ASAP2: variants seen among roughly 807,000 people sequenced by gnomAD.
ASAP2 encodes arf-GAP with SH3 domain, ANK repeat and PH domain-containing protein 2.
In ASAP2, 45 loss-of-function variants were observed where a neutral mutation model predicts 131.4. The observed-to-expected ratio is 0.34, with a 90% CI of 0.27 to 0.44. ASAP2 has a LOEUF of 0.44. ASAP2 is among the 20% of genes least tolerant of loss of function. The probability of loss-of-function intolerance (pLI) is 1.00; values close to 1 mark genes in which losing one functional copy is unlikely to be tolerated. For missense variants in ASAP2, 1,011 were observed against 1,297.0 expected, an observed-to-expected ratio of 0.78 and a Z score of 3.39; for synonymous variants, 510 against 503.0, an observed-to-expected ratio of 1.01 and a Z score of -0.19.
At chr2:9,395,430 A>G (rs10169849) in intron 24 of ASAP2, among the ~76,000 whole-genome samples, 1 of 151,940 alleles carries the variant, frequency 6.6e-6, no homozygotes, top group Admixed American at 6.6e-5. Flanking sequence ...AGCTGAGATC[A>G]CGTCATTGTA....
intron 20 of ASAP2, among the ~76,000 whole-genome samples, chr2:9,381,760 G>T (rs2148745915): frequency 6.6e-6 from 1 of 152,236 alleles, no homozygotes; most frequent in African/African-American, 2.4e-5. Context: ...CGAATTAGCT[G>T]GGTGTGGTGG....
intron 3 of ASAP2, among the ~76,000 whole-genome samples, 160 bp downstream of exon 3, chr2:9,297,605 A>T (rs926796371): frequency 5.3e-5 from 8 of 152,250 alleles, no homozygotes; most frequent in Non-Finnish European, 8.8e-5. Context: ...AGTTTGGAAT[A>T]AAGTTTAAAA....
intron 1 of ASAP2, among the ~76,000 whole-genome samples, chr2:9,235,136 T>G (rs1011201352): frequency 6.6e-6 from 1 of 152,136 alleles, no homozygotes; most frequent in African/African-American, 2.4e-5. Flanking sequence ...TCCTGTCCTG[T>G]TGTAGGCGGG....
chr2:9,325,391 C>A (rs1670415275), intron 6 of ASAP2, among the ~76,000 whole-genome samples: 1 of 152,130 alleles, frequency 6.6e-6, no homozygotes, highest in Non-Finnish European at 1.5e-5. Context: ...GGTATTGTTT[C>A]TAATTAAGTA....
At chr2:9,367,396 GA>G (rs1233308955) in intron 15 of ASAP2, among the ~76,000 whole-genome samples, 23 of 152,188 alleles carry the variant, frequency 1.5e-4, no homozygotes, top group African/African-American at 5.3e-4. Flanking sequence ...GCAGAACATG[GA>G]AATGAAAATA....
chr2:9,216,011 A>C (rs1661996485), intron 1 of ASAP2, among the ~76,000 whole-genome samples: 1 of 152,120 alleles, frequency 6.6e-6, no homozygotes, highest in African/African-American at 2.4e-5. Flanking sequence ...GAGTCCTGTA[A>C]TTAGGATTCT....
intron 3 of ASAP2, among the ~76,000 whole-genome samples, chr2:9,305,044 T>C (rs1367469219): frequency 2.2e-5 from 3 of 136,288 alleles, no homozygotes; most frequent in African/African-American, 8.5e-5. Context: ...TAGTGAGGTA[T>C]AGATATTGGT....
At chr2:9,355,987 T>G (rs1305209495) in intron 12 of ASAP2, 60 bp from the exon 13 acceptor site, 3 of 1,580,006 alleles carry the variant, frequency 1.9e-6, no homozygotes, top group Non-Finnish European at 2.6e-6. Flanking sequence ...ACTATTTTCT[T>G]TTGGAATTGT....
At chr2:9,382,353 A>G (rs542721414) in intron 20 of ASAP2, among the ~76,000 whole-genome samples, 81 of 152,318 alleles carry the variant, frequency 5.3e-4, no homozygotes, top group African/African-American at 1.8e-3. Context: ...ACAGATGAGG[A>G]CACAGGCACA....
intron 2 of ASAP2, among the ~76,000 whole-genome samples, chr2:9,288,768 C>G (rs1431600367): frequency 1.3e-5 from 2 of 152,054 alleles, no homozygotes; most frequent in Non-Finnish European, 2.9e-5. Flanking sequence ...AAAGGAGAGC[C>G]CTGCAAGTTT....
intron 1 of ASAP2, among the ~76,000 whole-genome samples, chr2:9,263,187 G>A (rs1665700345): frequency 6.6e-6 from 1 of 152,210 alleles, no homozygotes; most frequent in Non-Finnish European, 1.5e-5. Flanking sequence ...ACCTTCTGGT[G>A]TCATGTCCCC....
intron 2 of ASAP2, among the ~76,000 whole-genome samples, chr2:9,290,885 A>G (rs1266640920): frequency 2.0e-5 from 3 of 152,220 alleles, no homozygotes; most frequent in Non-Finnish European, 4.4e-5. Context: ...CCTGGGACCT[A>G]GTATATAACA....
intron 6 of ASAP2, among the ~76,000 whole-genome samples, chr2:9,324,550 A>G (rs560622921): frequency 1.1e-4 from 17 of 152,182 alleles, no homozygotes; most frequent in Non-Finnish European, 1.9e-4. Context: ...AGGACATCAC[A>G]TGGTGGGGGC....
Position 9,324,078 on chromosome 2 carries a change from A to C in ASAP2, c.600+828A>C, listed in dbSNP as rs192892308. 2.6e-5 allele frequency among the ~76,000 whole-genome samples: 4 copies of C among 152,342 alleles called. No individual in the cohort carries two copies. In the East Asian group the frequency reaches 7.7e-4, roughly 29 times the overall value. Reference sequence around the variant, plus strand: ...GTGCAAACTTAGGTTTCAAATGTACACAATGTGTGGGTGATGTTTGTGACA... The same window carrying C: ...GTGCAAACTTAGGTTTCAAATGTACCCAATGTGTGGGTGATGTTTGTGACA... On this transcript the variant is annotated intron_variant, in intron 6 of 27. Coordinates refer to ENST00000281419, the MANE Select transcript of ASAP2 (RefSeq NM_003887.3).
At chr2:9,313,436 C>T (rs1558320848) in intron 3 of ASAP2, among the ~76,000 whole-genome samples, 1 of 152,172 alleles carries the variant, frequency 6.6e-6, no homozygotes, top group Non-Finnish European at 1.5e-5. Context: ...CATGTGTGTA[C>T]TCCCGCTTCA....
chr2:9,308,406 T>G (rs1321457328), intron 3 of ASAP2, among the ~76,000 whole-genome samples: 2 of 152,130 alleles, frequency 1.3e-5, no homozygotes, highest in South Asian at 2.1e-4. Context: ...CGTGATTGAG[T>G]CATCTCCCAC....
chr2:9,381,008 C>T (rs140156598), intron 20 of ASAP2, among the ~76,000 whole-genome samples, 200 bp downstream of exon 20: 154 of 152,350 alleles, frequency 1.0e-3, no homozygotes, highest in Middle Eastern at 6.8e-3. Flanking sequence ...ACCCACCCCT[C>T]GCAGTGAGAC....
chr2:9,374,655 G>A (rs1180767770), intron 16 of ASAP2, 100 bp from the exon 17 acceptor site: 2 of 1,180,872 alleles, frequency 1.7e-6, no homozygotes, highest in Non-Finnish European at 2.4e-6. Flanking sequence ...GCTTACCAGG[G>A]ACATGGCGCA....
At chr2:9,367,807 G>A (rs1199987256) in intron 15 of ASAP2, among the ~76,000 whole-genome samples, 1 of 152,198 alleles carries the variant, frequency 6.6e-6, no homozygotes, top group Non-Finnish European at 1.5e-5. Context: ...TCAGAAGATT[G>A]ATTGGCAAGT....
Sources: allele counts gnomAD v4.1 joint callset (sites outside exome capture counted in the v4.1 genomes callset), GRCh38; gene constraint gnomAD v4.1.1; transcripts MANE v1.5; gene names NCBI Gene and HGNC (gene_info 2026-07-23, HGNC 2026-07-21).